Variants in MDGA2 observed in about 807,000 individuals in gnomAD.
The protein encoded by MDGA2 is MAM domain-containing glycosylphosphatidylinositol anchor protein 2.
In MDGA2, 40 loss-of-function variants were observed where a neutral mutation model predicts 117.8. That is an observed-to-expected ratio of 0.34 (90% CI 0.26 to 0.44). The LOEUF (loss-of-function observed/expected upper bound fraction) is 0.44, where lower values mean the gene tolerates loss of function less well. Among genes scored for constraint, MDGA2 ranks in the 20% least tolerant of loss-of-function variants. MDGA2 has a pLI of 1.00. For synonymous variants in MDGA2, 452 were observed against 439.0 expected (o/e 1.03, Z -0.37); for missense variants, 1,123 against 1,250.6 (o/e 0.90, Z 1.54).
chr14:47,086,099 TTTTTTTTGTTTTTTG>T (rs1434065926), intron 6 of MDGA2, among the ~76,000 whole-genome samples: 1 of 140,348 alleles, frequency 7.1e-6, no homozygotes, highest in African/African-American at 2.5e-5. Context: ...GTAAGGTTTT[TTTTTTTTGTTTTTTG>T]TTTTTTGTTT....
At chr14:47,238,855 A>T (rs1886950807) in intron 2 of MDGA2, among the ~76,000 whole-genome samples, 2 of 151,758 alleles carry the variant, frequency 1.3e-5, no homozygotes, top group Non-Finnish European at 2.9e-5. Context: ...AATGCAGAGG[A>T]CCCCAAATAA....
chr14:47,088,286 TATA>T (rs1465356552), intron 6 of MDGA2, among the ~76,000 whole-genome samples: 2 of 152,070 alleles, frequency 1.3e-5, no homozygotes, highest in African/African-American at 4.8e-5. Flanking sequence ...TACAAAGTAA[TATA>T]ATAACATTCT....
chr14:47,548,427 G>A (rs983852351), intron 1 of MDGA2, among the ~76,000 whole-genome samples: 4 of 151,712 alleles, frequency 2.6e-5, no homozygotes, highest in Admixed American at 1.3e-4. Flanking sequence ...TGTTGTTGCT[G>A]CTGTTTGCTT....
At chr14:47,447,594 G>T (rs1170658216) in intron 1 of MDGA2, among the ~76,000 whole-genome samples, 1 of 152,080 alleles carries the variant, frequency 6.6e-6, no homozygotes, top group African/African-American at 2.4e-5. Context: ...TTCTATGGGG[G>T]CATACAGTAG....
intron 1 of MDGA2, among the ~76,000 whole-genome samples, chr14:47,532,311 A>G (rs1459345497): frequency 6.6e-6 from 1 of 152,202 alleles, no homozygotes; most frequent in African/African-American, 2.4e-5. Context: ...TTTGGTTTTT[A>G]TAACCTTGAC....
intron 6 of MDGA2, among the ~76,000 whole-genome samples, chr14:47,071,226 T>G (rs1336346634): frequency 6.6e-6 from 1 of 152,170 alleles, no homozygotes; most frequent in African/African-American, 2.4e-5. Flanking sequence ...ACGAGAGTAT[T>G]TGAGAGTTAA....
At chr14:47,078,440 TA>T (rs971482379) in intron 6 of MDGA2, among the ~76,000 whole-genome samples, 1 of 152,010 alleles carries the variant, frequency 6.6e-6, no homozygotes, top group African/African-American at 2.4e-5. Context: ...CAGCCTCCCA[TA>T]AAAAACATGG....
At chr14:47,211,060 T>C (rs1262671580) in intron 3 of MDGA2, among the ~76,000 whole-genome samples, 3 of 152,198 alleles carry the variant, frequency 2.0e-5, no homozygotes, top group Non-Finnish European at 4.4e-5. Context: ...TCATCATTCA[T>C]ATGGTAAAAA....
chr14:47,527,370 A>C (rs1894994113), intron 1 of MDGA2, among the ~76,000 whole-genome samples: 1 of 152,220 alleles, frequency 6.6e-6, no homozygotes, highest in Non-Finnish European at 1.5e-5. Context: ...TTATAGATGG[A>C]TTCTTGGAAG....
At chr14:47,176,575 T>A (rs987683495) in intron 3 of MDGA2, among the ~76,000 whole-genome samples, 1 of 152,142 alleles carries the variant, frequency 6.6e-6, no homozygotes, top group Non-Finnish European at 1.5e-5. Context: ...TAATAAATGG[T>A]GTTGGGAAAA....
chr14:47,327,945 C>T lies in MDGA2; in HGVS notation c.281-26395G>A, dbSNP rs576042712. ...CAGGAATCTAAAAGTGTCTCACTCT[C>T]AGTGACAAAGTTTTCCTGCCTACAA... On this transcript the variant is annotated intron_variant, in intron 1 of 16. Coordinates refer to ENST00000399232, the MANE Select transcript of MDGA2 (RefSeq NM_001113498.3). Among the ~76,000 whole-genome samples the T allele has an allele frequency of 2.0e-5, 3 of 152,278 alleles. No individual in the cohort carries two copies. The East Asian group carries it at 5.8e-4, about 29-fold the overall frequency.
At chr14:47,215,238 A>T (rs1886043181) in intron 3 of MDGA2, among the ~76,000 whole-genome samples, 1 of 152,152 alleles carries the variant, frequency 6.6e-6, no homozygotes, top group South Asian at 2.1e-4. Flanking sequence ...TACCTGAAAT[A>T]AATTAACTCA....
At chr14:47,626,680 G>T (rs1055130936) in intron 1 of MDGA2, among the ~76,000 whole-genome samples, 4 of 152,252 alleles carry the variant, frequency 2.6e-5, no homozygotes, top group Non-Finnish European at 5.9e-5. Flanking sequence ...GGCCCGGGCG[G>T]TGAGGGGCTT....
chr14:47,394,568 G>A (rs1393146850), intron 1 of MDGA2, among the ~76,000 whole-genome samples: 1 of 152,220 alleles, frequency 6.6e-6, no homozygotes, highest in East Asian at 1.9e-4. Context: ...CTGAATGAAT[G>A]TATCTAAAAC....
intron 1 of MDGA2, among the ~76,000 whole-genome samples, chr14:47,664,508 C>T (rs987310605): frequency 1.3e-5 from 2 of 152,158 alleles, no homozygotes; most frequent in Admixed American, 1.3e-4. Context: ...TGCATCAGCC[C>T]ACTCTCCTAA....
chr14:46,870,909 C>T (rs1881967781), intron 14 of MDGA2: 1 of 151,696 alleles, frequency 6.6e-6, no homozygotes, highest in African/African-American at 2.4e-5. Context: ...ATAAGGTGAA[C>T]ATATTTTATG....
chr14:47,198,084 A>G (rs1885353880), intron 3 of MDGA2, among the ~76,000 whole-genome samples: 1 of 152,174 alleles, frequency 6.6e-6, no homozygotes. Context: ...ATTCATAGCC[A>G]TGTAATTATA....
chr14:47,185,786 A>C (rs1324497211), intron 3 of MDGA2, among the ~76,000 whole-genome samples: 1 of 151,686 alleles, frequency 6.6e-6, no homozygotes, highest in Non-Finnish European at 1.5e-5. Context: ...ATTAGCAAGC[A>C]TCATTCTTAA....
At position 47,311,413 on chromosome 14, in the gene MDGA2, A is replaced by G. The variant is rs147661590; in HGVS notation, c.281-9863T>C. Among the ~76,000 whole-genome samples, 691 of 152,216 alleles carry G rather than the reference A, an allele frequency of 4.5e-3. 4 individuals carry two copies. The highest frequency in any genetic ancestry group is 0.015 in the African/African-American group (633 of 41,564). On this transcript the variant is annotated intron_variant, in intron 1 of 16. Transcript: ENST00000399232. ...AGAATTGTGAGGATCTGGCCTGCCAATGTCCCCACTGTTTCTCTCCATTGA... is the reference window on the plus strand; with the variant it reads ...AGAATTGTGAGGATCTGGCCTGCCAGTGTCCCCACTGTTTCTCTCCATTGA...
Sources: allele counts gnomAD v4.1 joint callset (sites outside exome capture counted in the v4.1 genomes callset), GRCh38; gene constraint gnomAD v4.1.1; transcripts MANE v1.5; gene names NCBI Gene and HGNC (gene_info 2026-07-23, HGNC 2026-07-21).